Variants in CCDC141 observed in about 807,000 individuals in gnomAD.
The protein encoded by CCDC141 is coiled-coil domain containing 141.
CCDC141 carries 168 observed loss-of-function variants against 181.0 expected under a neutral mutation model. The observed-to-expected ratio is 0.93, with a 90% CI of 0.82 to 1.05. The LOEUF (loss-of-function observed/expected upper bound fraction) is 1.05. Among genes scored for constraint, CCDC141 ranks in the 50% least tolerant of loss-of-function variants. The pLI, the probability that CCDC141 is intolerant of heterozygous loss-of-function variation, is 0.00. For synonymous variants in CCDC141, 666 were observed against 642.3 expected (o/e 1.04, Z -0.56); for missense variants, 1,902 against 1,788.5 (o/e 1.06, Z -1.14).
intron 4 of CCDC141, among the ~76,000 whole-genome samples, chr2:178,968,692 G>A (rs777548305): frequency 1.2e-4 from 18 of 151,990 alleles, no homozygotes; most frequent in Admixed American, 2.6e-4. Flanking sequence ...AGAAGCGACC[G>A]CAAACAAATT....
chr2:179,021,568 G>C (rs1575357685), intron 2 of CCDC141, among the ~76,000 whole-genome samples: 1 of 152,210 alleles, frequency 6.6e-6, no homozygotes, highest in Non-Finnish European at 1.5e-5. Flanking sequence ...TAATTTTCAG[G>C]GGCTCCTGTG....
intron 6 of CCDC141, chr2:178,926,714 C>G (rs1402086483): frequency 2.6e-5 from 4 of 152,182 alleles, no homozygotes; most frequent in Non-Finnish European, 4.4e-5. Flanking sequence ...ATATAAAGAA[C>G]AAGTTCTAAT....
intron 7 of CCDC141, among the ~76,000 whole-genome samples, chr2:178,907,628 CTCT>C (rs1395896864): frequency 2.6e-5 from 4 of 152,166 alleles, no homozygotes; most frequent in Non-Finnish European, 5.9e-5. Flanking sequence ...ACTTGAAGAA[CTCT>C]TCTTTATCTG....
At chr2:178,817,777 CCCTT>C in the CCDC141 span, 12 of 266,964 alleles carry the variant, frequency 4.5e-5, no homozygotes, top group East Asian at 8.8e-5. Context: ...TCTCCCTCCT[CCCTT>C]CCTTCCTTCC....
At chr2:178,968,197 G>C (rs568943322) in intron 4 of CCDC141, among the ~76,000 whole-genome samples, 4 of 152,224 alleles carry the variant, frequency 2.6e-5, no homozygotes, top group African/African-American at 9.6e-5. Context: ...AAATTAACAA[G>C]GATACTCAGG....
At chr2:178,843,950 T>G (rs1489479) in intron 22 of CCDC141, among the ~76,000 whole-genome samples, 68,228 of 152,086 alleles carry the variant, frequency 0.45, 15,633 homozygotes, top group East Asian at 0.66. Flanking sequence ...ATTGTAGACC[T>G]TCACTTACAC....
intron 9 of CCDC141, among the ~76,000 whole-genome samples, chr2:178,887,880 GT>G (rs1329827850): frequency 1.3e-5 from 2 of 152,100 alleles, no homozygotes; most frequent in Non-Finnish European, 2.9e-5. Context: ...GATATTACTA[GT>G]TTTTACTAAA....
chr2:178,984,000 A>G (rs1054294083), intron 2 of CCDC141, among the ~76,000 whole-genome samples: 25 of 151,744 alleles, frequency 1.6e-4, no homozygotes, highest in Admixed American at 4.6e-4. Context: ...AGCAACTCCA[A>G]AACACATAAT....
chr2:179,013,166 A>T (rs1457064306), intron 2 of CCDC141, among the ~76,000 whole-genome samples: 2 of 152,168 alleles, frequency 1.3e-5, no homozygotes, highest in African/African-American at 2.4e-5. Context: ...AGTAAAGAGG[A>T]TGTCAAACTG....
chr2:178,837,630 G>T lies in CCDC141; in HGVS notation c.3589C>A (p.Pro1197Thr), dbSNP rs1684543567. The part of the protein sequence containing the change: ...KEGGVQDLLL[P>T]EDMLSGEEYE... ...TCTTCCCCTGAGAGCATGTCTTCAG[G>T]CAGGAGCAGGTCCTGGACGCCACCC... The change falls in exon 23 of 24, where the codon CCT (proline) becomes ACT (threonine). Residue 1197 changes from proline (P) to threonine (T), a missense_variant. Coordinates refer to ENST00000443758, the MANE Select transcript of CCDC141 (RefSeq NM_173648.4). 6.2e-7 allele frequency: 1 copy of T among 1,613,886 alleles called. No homozygotes were observed. The highest frequency in any genetic ancestry group is 1.1e-5 in the South Asian group (1 of 91,076).
At chr2:178,858,735 T>C (rs1286050783) in intron 17 of CCDC141, among the ~76,000 whole-genome samples, 2 of 151,964 alleles carry the variant, frequency 1.3e-5, no homozygotes, top group Non-Finnish European at 2.9e-5. Context: ...CTTCTACTTA[T>C]ATATAAGAAT....
Position 178,830,863 on chromosome 2 carries a change from A to C in CCDC141, c.*3310T>G, listed in dbSNP as rs1684220157. ...TGAAGATAGTAAGAGAGTTATAGGA[A>C]GAAAGGGCTGGAGAGAAGAGCATGA... On this transcript the variant is annotated 3_prime_UTR_variant, in exon 24 of 24. Coordinates refer to ENST00000443758, the MANE Select transcript of CCDC141 (RefSeq NM_173648.4). 1 of 152,254 alleles carries C rather than the reference A, an allele frequency of 6.6e-6. No individual in the cohort carries two copies. The highest frequency in any genetic ancestry group is 1.5e-5 in the Non-Finnish European group (1 of 68,086). 9.4% of individuals were successfully genotyped at this position (152,254 alleles called of 1,614,324 possible).
chr2:179,027,328 C>A (rs957663685), intron 2 of CCDC141, among the ~76,000 whole-genome samples: 14 of 152,124 alleles, frequency 9.2e-5, no homozygotes, highest in Non-Finnish European at 1.8e-4. Context: ...GAATGAGTCT[C>A]ATGAGATTGG....
intron 16 of CCDC141, among the ~76,000 whole-genome samples, chr2:178,867,805 T>C (rs1685918521): frequency 6.6e-6 from 1 of 152,204 alleles, no homozygotes; most frequent in South Asian, 2.1e-4. Context: ...AAATTTTTTT[T>C]CATGAAAATA....
chr2:178,975,161 G>C lies in CCDC141; in HGVS notation c.422C>G (p.Ala141Gly). ...SEFFENALEFAIKIDQAEDFL... is the reference protein window; with the variant it reads ...SEFFENALEFGIKIDQAEDFL... ...ATCTTCAGCTTGGTCTATTTTAATA[G>C]CAAACTACAATAGAAATACAGAGGA... is the stretch of plus-strand genomic sequence containing the variant. Residue 141 changes from alanine to glycine, a missense_variant, in exon 4 of 24, where the codon GCT becomes GGT. By Grantham distance (60) the Ala-to-Gly change is moderately conservative. Transcript: ENST00000443758. The C allele has an allele frequency of 3.5e-6, 5 of 1,446,042 alleles. No homozygotes were observed. The highest frequency in any genetic ancestry group is 4.7e-6 in the Non-Finnish European group (5 of 1,061,700). 89.6% of individuals were successfully genotyped at this position (1,446,042 alleles called of 1,614,324 possible). A position where few individuals can be genotyped will look rare whatever the true frequency, so the allele number is the denominator to read the frequency against.
chr2:178,980,427 G>A, intron 2 of CCDC141, among the ~76,000 whole-genome samples: 1 of 151,992 alleles, frequency 6.6e-6, no homozygotes, highest in East Asian at 1.9e-4. Flanking sequence ...TCCAGCCTGG[G>A]CAACAGAGCG....
At chr2:178,873,456 T>A (rs1473757667) in intron 12 of CCDC141, 2 of 152,134 alleles carry the variant, frequency 1.3e-5, no homozygotes, top group Admixed American at 1.3e-4. Flanking sequence ...TATACTTTTA[T>A]CATAAATAAA....
At chr2:178,972,820 A>T (rs1690957070) in intron 4 of CCDC141, among the ~76,000 whole-genome samples, 1 of 152,218 alleles carries the variant, frequency 6.6e-6, no homozygotes, top group South Asian at 2.1e-4. Context: ...CAGAAATATC[A>T]ACCCATTAAT....
chr2:178,899,298 G>A (rs1450414643), intron 8 of CCDC141, among the ~76,000 whole-genome samples: 1 of 152,118 alleles, frequency 6.6e-6, no homozygotes, highest in African/African-American at 2.4e-5. Flanking sequence ...TGCACTCTAT[G>A]ATGTTCACAT....
Sources: gnomAD v4.1 joint callset for allele counts (sites outside exome capture counted in the v4.1 genomes callset) on GRCh38, gnomAD v4.1.1 for gene constraint, MANE v1.5 for transcripts, NCBI Gene and HGNC (gene_info 2026-07-23, HGNC 2026-07-21) for gene names.